ALAD: variants seen among roughly 807,000 people sequenced by gnomAD.
ALAD encodes the protein aminolevulinate dehydratase, also known as delta-aminolevulinic acid dehydratase.
A neutral mutation model predicts 44.4 loss-of-function variants in ALAD; 20 were observed. That is an observed-to-expected ratio of 0.45 (90% CI 0.32 to 0.65). ALAD has a LOEUF of 0.65. ALAD is among the 30% of genes least tolerant of loss of function. ALAD has a pLI of 0.05. For synonymous variants in ALAD, 156 were observed against 167.9 expected (o/e 0.93, Z 0.55); for missense variants, 323 against 445.7 (o/e 0.72, Z 2.48).
At position 113,391,532 on chromosome 9, in the gene ALAD, G is replaced by T; in HGVS notation, c.256C>A (p.Pro86Thr). ...CCCTTCCTTTGATTCTTCACCTTGG[G>T]AACTCTGCTGGGGACGCCAAAGATC... is the stretch of plus-strand genomic sequence containing the variant. ...VLIFGVPSRV[P>T]KDERGSAADS... Residue 86 changes from proline to threonine, a missense_variant, in exon 4 of 12, where the codon CCC becomes ACC. Pro to Thr is a conservative substitution (Grantham distance 38). Coordinates refer to ENST00000409155, the MANE Select transcript of ALAD (RefSeq NM_000031.6). The T allele has an allele frequency of 6.2e-7, 1 of 1,613,944 alleles. No individual in the cohort carries two copies. Among genetic ancestry groups the T allele is most frequent in the Non-Finnish European group, 8.5e-7 (1 of 1,179,904 alleles).
rs534300233 is a variant in ALAD at position 113,390,859 on chromosome 9, G to A, written c.336C>T (p.Phe112=). ...IEAIHLLRKT[F]PNLLVACDVC... ...CATCACAGGCCACCAGGAGGTTGGG[G>A]AAGGTCTTCCTCAACAGATGGATTG... Residue 112 remains phenylalanine (F), a synonymous_variant, in exon 5 of 12, where the codon TTC becomes TTT. Transcript: ENST00000409155. 22 of 1,614,124 alleles carry A rather than the reference G, an allele frequency of 1.4e-5. No individual in the cohort carries two copies. In the East Asian group the frequency reaches 4.9e-4, roughly 36 times the overall value.
chr9:113,391,548 G>T lies in ALAD; in HGVS notation c.240C>A (p.Gly80=). ...EEGLRCVLIF[G]VPSRVPKDER... ...TCACCTTGGGAACTCTGCTGGGGAC[G>T]CCAAAGATCAAGACACAGCGTAGGC... The change falls in exon 4 of 12, where the codon GGC becomes GGA. Residue 80 remains glycine, a synonymous_variant. Transcript: ENST00000409155. 6.2e-7 allele frequency: 1 copy of T among 1,613,974 alleles called. No homozygotes were observed. The highest frequency in any genetic ancestry group is 8.5e-7 in the Non-Finnish European group (1 of 1,179,952).
In ALAD at chr9:113,393,446, C is replaced by T. The variant is rs977780346; in HGVS notation, c.113+1G>A. On this transcript the variant is annotated splice_donor_variant, in intron 2 of 11. Transcript: ENST00000409155. LOFTEE classifies it high-confidence loss of function. ...GGCCTGGCCCATTCTTGGAGACTCA[C>T]GTGACAAAGATGGGGTAGATGAGGT... The T allele has an allele frequency of 1.9e-6, 3 of 1,567,832 alleles. No homozygotes were observed. The highest frequency in any genetic ancestry group is 1.3e-5 in the African/African-American group (1 of 74,458).
intron 1 of ALAD, among the ~76,000 whole-genome samples, chr9:113,395,316 A>C (rs1305784499): frequency 2.0e-5 from 3 of 151,920 alleles, no homozygotes; most frequent in Non-Finnish European, 4.4e-5. Context: ...CCCGCACCCA[A>C]ATCTACAGGG....
At chr9:113,391,783 T>C (rs1013865480) in intron 3 of ALAD, among the ~76,000 whole-genome samples, 160 bp from the exon 4 acceptor site, 1 of 152,110 alleles carries the variant, frequency 6.6e-6, no homozygotes, top group African/African-American at 2.4e-5. Context: ...ATCCACTAAA[T>C]AGGAGGGAAG....
chr9:113,401,064 T>C (rs1324543239), intron 1 of ALAD, 148 bp downstream of exon 1: 2 of 152,104 alleles, frequency 1.3e-5, no homozygotes, highest in Non-Finnish European at 2.9e-5. Flanking sequence ...AAACAAACGC[T>C]CCACGGGACT....
At chr9:113,399,347 C>T (rs528587502) in intron 1 of ALAD, among the ~76,000 whole-genome samples, 24 of 152,256 alleles carry the variant, frequency 1.6e-4, no homozygotes, top group Non-Finnish European at 3.4e-4. Context: ...TGGGTTGGAA[C>T]GAGATGTCCT....
chr9:113,390,125 G>A (rs1476158373), intron 7 of ALAD, among the ~76,000 whole-genome samples: 3 of 152,076 alleles, frequency 2.0e-5, no homozygotes, highest in Non-Finnish European at 2.9e-5. Flanking sequence ...GGGTTCAAGC[G>A]ATTCTCCTGC....
At position 113,386,909 on chromosome 9, in the gene ALAD, T is replaced by C. The variant is rs1827410620; in HGVS notation, c.*1391A>G. 2 of 152,274 alleles carry C rather than the reference T, an allele frequency of 1.3e-5. No homozygotes were observed. The highest frequency in any genetic ancestry group is 2.9e-5 in the Non-Finnish European group (2 of 68,066). 9.4% of individuals were successfully genotyped at this position (152,274 alleles called of 1,614,324 possible). On this transcript the variant is annotated 3_prime_UTR_variant, in exon 12 of 12. Transcript: ENST00000409155. ...CACCCAGAAGGTCAAGCCAGATTCA[T>C]CCTTCACATCGAATCTACCTTCTAA... is the stretch of plus-strand genomic sequence containing the variant.
chr9:113,392,239 G>A (rs1232853302), intron 2 of ALAD, 70 bp from the exon 3 acceptor site: 1 of 1,610,934 alleles, frequency 6.2e-7, no homozygotes, highest in African/African-American at 1.3e-5. Flanking sequence ...GCGACTGAGA[G>A]GGATGGTTGG....
intron 2 of ALAD, 55 bp from the exon 3 acceptor site, chr9:113,392,224 C>T (rs1392674994): frequency 8.1e-6 from 13 of 1,612,676 alleles, no homozygotes; most frequent in South Asian, 3.3e-5. Context: ...GCCAGTGGTG[C>T]GGGGGCGACT....
intron 2 of ALAD, 112 bp downstream of exon 2, chr9:113,393,335 C>G (rs1827644187): frequency 1.1e-6 from 1 of 947,656 alleles, no homozygotes; most frequent in African/African-American, 1.6e-5. Context: ...TTCAAGCTGA[C>G]AGCTCACTTT....
intron 2 of ALAD, chr9:113,392,499 CA>C (rs1433028637): frequency 1.1e-5 from 4 of 371,848 alleles, no homozygotes; most frequent in Non-Finnish European, 1.9e-5. Context: ...TGACCGTGGC[CA>C]AGTTCTATCA....
intron 2 of ALAD, 48 bp downstream of exon 2, chr9:113,393,399 C>G: frequency 6.5e-7 from 1 of 1,543,554 alleles, no homozygotes; most frequent in Non-Finnish European, 9.0e-7. Flanking sequence ...TCCCCAACCC[C>G]AACCCCAACC....
At chr9:113,391,722 C>T (rs771911035) in intron 3 of ALAD, 99 bp from the exon 4 acceptor site, 8 of 962,020 alleles carry the variant, frequency 8.3e-6, no homozygotes, top group Non-Finnish European at 1.3e-5. Flanking sequence ...AACCAAGCTG[C>T]ATATGGCACC....
intron 1 of ALAD, among the ~76,000 whole-genome samples, chr9:113,394,344 C>T (rs780426862): frequency 6.6e-6 from 1 of 151,256 alleles, no homozygotes; most frequent in South Asian, 2.1e-4. Flanking sequence ...TCGAGACCAG[C>T]CTGGGCAACA....
intron 11 of ALAD, 147 bp downstream of exon 11, chr9:113,388,830 T>A: frequency 7.6e-7 from 1 of 1,314,668 alleles, no homozygotes; most frequent in Non-Finnish European, 1.1e-6. Context: ...TGCAGTTCCA[T>A]ATCTCTTCCT....
At chr9:113,395,027 C>A (rs1001573414) in intron 1 of ALAD, among the ~76,000 whole-genome samples, 1 of 151,884 alleles carries the variant, frequency 6.6e-6, no homozygotes, top group Non-Finnish European at 1.5e-5. Flanking sequence ...TTCACTCCAG[C>A]CTGGGCGACA....
At chr9:113,391,771 G>A in intron 3 of ALAD, 148 bp from the exon 4 acceptor site, 2 of 717,344 alleles carry the variant, frequency 2.8e-6, no homozygotes, top group Non-Finnish European at 2.5e-6. Context: ...GGGCAGGGAT[G>A]CATCCACTAA....
Sources: gnomAD v4.1 joint callset for allele counts (sites outside exome capture counted in the v4.1 genomes callset) on GRCh38, gnomAD v4.1.1 for gene constraint, MANE v1.5 for transcripts, NCBI Gene and HGNC (gene_info 2026-07-23, HGNC 2026-07-21) for gene names.